Variants in SYTL3 observed in about 807,000 individuals in gnomAD.
SYTL3 encodes the protein synaptotagmin-like protein 3.
Under a neutral mutation model 82.1 loss-of-function variants are expected in SYTL3, and 88 were observed. That is an observed-to-expected ratio of 1.07 (90% CI 0.90 to 1.28). SYTL3 has a LOEUF of 1.28. SYTL3 is among the 50% of genes most tolerant of loss of function. The pLI, the probability that SYTL3 is intolerant of heterozygous loss-of-function variation, is 0.00. For synonymous variants in SYTL3, 311 were observed against 289.4 expected (o/e 1.07, Z -0.76); for missense variants, 831 against 757.6 (o/e 1.10, Z -1.14).
intron 6 of SYTL3, among the ~76,000 whole-genome samples, chr6:158,700,356 G>T (rs960752236): frequency 1.3e-5 from 2 of 152,036 alleles, no homozygotes; most frequent in Admixed American, 6.5e-5. Context: ...GGCTCAAGCA[G>T]TCCTCCCACC....
intron 5 of SYTL3, among the ~76,000 whole-genome samples, chr6:158,681,644 C>A (rs889778870): frequency 6.6e-6 from 1 of 152,200 alleles, no homozygotes; most frequent in African/African-American, 2.4e-5. Context: ...TGCCACTGCA[C>A]TCCAGCCTGG....
chr6:158,691,691 G>T (rs146034138), intron 6 of SYTL3, among the ~76,000 whole-genome samples: 1,850 of 150,660 alleles, frequency 0.012, 40 homozygotes, highest in South Asian at 0.092. Context: ...TCGCTCTGTC[G>T]CCCAGGCTGG....
At chr6:158,651,372 C>A (rs1025899088) in intron 1 of SYTL3, among the ~76,000 whole-genome samples, 1 of 152,076 alleles carries the variant, frequency 6.6e-6, no homozygotes, top group African/African-American at 2.4e-5. Flanking sequence ...GCGGATGGAT[C>A]ATGAGGTCAA....
chr6:158,663,229 T>G lies in SYTL3; in HGVS notation c.-40T>G, dbSNP rs1476120605. 6.3e-7 allele frequency: 1 copy of G among 1,598,434 alleles called. No individual in the cohort carries two copies. The highest frequency in any genetic ancestry group is 8.6e-7 in the Non-Finnish European group (1 of 1,166,104). On this transcript the variant is annotated 5_prime_UTR_variant, in exon 4 of 18. An upstream open reading frame in the 5' UTR loses its in-frame stop. Coordinates refer to ENST00000611299, the MANE Select transcript of SYTL3 (RefSeq NM_001242394.2). ...GGGCGTGAGCGCTTGGTCCATGCAG[T>G]GAAGCTCTTCCAACCTGGGTCAACG...
intron 6 of SYTL3, among the ~76,000 whole-genome samples, chr6:158,697,568 T>C (rs1179032761): frequency 1.3e-5 from 2 of 152,144 alleles, no homozygotes; most frequent in African/African-American, 2.4e-5. Context: ...TGAAAAACTT[T>C]TGTGCATCAA....
intron 12 of SYTL3, among the ~76,000 whole-genome samples, chr6:158,749,518 T>TC (rs1189871656): frequency 1.4e-5 from 2 of 141,234 alleles, no homozygotes; most frequent in East Asian, 3.9e-4. Flanking sequence ...TTTTTTTTTT[T>TC]TTTTTTTTTT....
At position 158,711,071 on chromosome 6, in the gene SYTL3, C is replaced by T. The variant is rs141470348; in HGVS notation, c.516+2680C>T. Reference sequence around the variant, plus strand: ...CTGGGGTTACAGGCGTGAGCCACCTCGCCCAGCCAGGTCTACGCATTTTGT... The same window carrying T: ...CTGGGGTTACAGGCGTGAGCCACCTTGCCCAGCCAGGTCTACGCATTTTGT... On this transcript the variant is annotated intron_variant, in intron 8 of 17. Transcript: ENST00000611299. Among the ~76,000 whole-genome samples the T allele has an allele frequency of 1.6e-3, 246 of 151,908 alleles. 1 individual carries two copies. Among genetic ancestry groups the T allele is most frequent in the South Asian group, 2.9e-3 (14 of 4,826 alleles).
chr6:158,660,397 C>T (rs4709242), intron 2 of SYTL3, among the ~76,000 whole-genome samples: 44,483 of 152,170 alleles, frequency 0.29, 7,136 homozygotes, highest in East Asian at 0.67. Flanking sequence ...TTCTGTAACG[C>T]GGAGTGAATG....
At position 158,752,148 on chromosome 6, in the gene SYTL3, A is replaced by G. The variant is rs879100622; in HGVS notation, c.1137+118A>G. Reference sequence around the variant, plus strand: ...TGACTCAGTTAGATATAATACAGACACCTATATGTTTCTTCGCAGCTCTGT... The same window carrying G: ...TGACTCAGTTAGATATAATACAGACGCCTATATGTTTCTTCGCAGCTCTGT... On this transcript the variant is annotated intron_variant, in intron 13 of 17. Coordinates refer to ENST00000611299, the MANE Select transcript of SYTL3 (RefSeq NM_001242394.2). 13 of 547,050 alleles carry G rather than the reference A, an allele frequency of 2.4e-5. No homozygotes were observed. The South Asian group carries it at 4.0e-4, about 17-fold the overall frequency. The allele number at this position is 547,050 out of a possible 1,614,324, so 33.9% of individuals were successfully genotyped here. A position where few individuals can be genotyped will look rare whatever the true frequency, so the allele number is the denominator to read the frequency against.
intron 4 of SYTL3, among the ~76,000 whole-genome samples, chr6:158,663,967 C>T (rs894585242): frequency 1.3e-5 from 2 of 152,054 alleles, no homozygotes; most frequent in Non-Finnish European, 2.9e-5. Context: ...CTAAGCTGCA[C>T]GGGCCGTTTG....
rs772974185 is a variant in SYTL3, at chr6:158,760,672, T to C, written c.1341T>C (p.Ser447=). ...AEKYEDSVPQ[S]NGELTVRAKL... is the part of the protein sequence containing the mutation. ...AATACGAAGACAGCGTTCCTCAGAG[T>C]AATGGAGAGCTCACAGTCCGGGCTA... Residue 447 remains serine, a synonymous_variant, in exon 15 of 18, where the codon AGT becomes AGC. Coordinates refer to ENST00000611299, the MANE Select transcript of SYTL3 (RefSeq NM_001242394.2). 2 of 1,613,968 alleles carry C rather than the reference T, an allele frequency of 1.2e-6. No individual in the cohort carries two copies. Among genetic ancestry groups the C allele is most frequent in the Non-Finnish European group, 1.7e-6 (2 of 1,179,946 alleles).
intron 6 of SYTL3, among the ~76,000 whole-genome samples, chr6:158,696,726 C>CA (rs1257856309): frequency 6.6e-6 from 1 of 150,824 alleles, no homozygotes; most frequent in Admixed American, 6.6e-5. Context: ...TTCTTAAAAA[C>CA]AAAAAAAGAA....
upstream of SYTL3, among the ~76,000 whole-genome samples, chr6:158,647,640 G>A (rs1181272301): frequency 1.3e-5 from 2 of 152,224 alleles, no homozygotes; most frequent in Non-Finnish European, 1.5e-5. Context: ...TAAGACATTT[G>A]GCAGTTCACC....
At chr6:158,712,743 T>C (rs574552853) in intron 8 of SYTL3, among the ~76,000 whole-genome samples, 104 of 147,958 alleles carry the variant, frequency 7.0e-4, no homozygotes, top group African/African-American at 2.3e-3. Context: ...ATACATTCTT[T>C]TTCTTTTCTT....
chr6:158,683,351 C>G (rs913794453), intron 6 of SYTL3, among the ~76,000 whole-genome samples: 1 of 151,644 alleles, frequency 6.6e-6, no homozygotes, highest in African/African-American at 2.4e-5. Context: ...CTCCGGAGTA[C>G]CTGGGATTAC....
In SYTL3 at chr6:158,763,495, C is replaced by T; in HGVS notation, c.1709C>T (p.Thr570Ile). The T allele has an allele frequency of 6.2e-7, 1 of 1,614,120 alleles. No individual in the cohort carries two copies. The highest frequency in any genetic ancestry group is 8.5e-7 in the Non-Finnish European group (1 of 1,179,958). ...ATGAACGACCGCTTGCTTGGAGGAA[C>T]CAGACTTGGTTCAAGTAAGTCTGAG... ...FGMNDRLLGGTRLGSKGDTAV... is the reference protein window; with the variant it reads ...FGMNDRLLGGIRLGSKGDTAV... The change falls in exon 17 of 18, where the codon ACC becomes ATC. Residue 570 changes from threonine to isoleucine, a missense_variant. Physicochemically the swap from Thr to Ile is moderately conservative, Grantham distance 89 (BLOSUM62 -1). Coordinates refer to ENST00000611299, the MANE Select transcript of SYTL3 (RefSeq NM_001242394.2).
intron 5 of SYTL3, among the ~76,000 whole-genome samples, chr6:158,677,505 C>T (rs2128396791): frequency 6.6e-6 from 1 of 151,816 alleles, no homozygotes; most frequent in East Asian, 1.9e-4. Context: ...ACATATGTAA[C>T]ACACCTGCAC....
At chr6:158,745,784 A>T in intron 12 of SYTL3, 126 bp downstream of exon 12, 1 of 783,774 alleles carries the variant, frequency 1.3e-6, no homozygotes, top group Non-Finnish European at 2.0e-6. Context: ...GCTTACTTCA[A>T]GTATTATTAT....
chr6:158,673,508 C>T (rs528313350), intron 5 of SYTL3, among the ~76,000 whole-genome samples: 7 of 149,302 alleles, frequency 4.7e-5, no homozygotes, highest in African/African-American at 1.7e-4. Context: ...GGGGCGATCT[C>T]GGCTCACTGC....
Sources: gnomAD v4.1 joint callset for allele counts (sites outside exome capture counted in the v4.1 genomes callset) on GRCh38, gnomAD v4.1.1 for gene constraint, MANE v1.5 for transcripts, NCBI Gene and HGNC (gene_info 2026-07-23, HGNC 2026-07-21) for gene names.